Variants in AGBL1 observed in about 807,000 individuals in gnomAD.
AGBL1 encodes the protein cytosolic carboxypeptidase 4.
Under a neutral mutation model 118.9 loss-of-function variants are expected in AGBL1, and 130 were observed. The observed-to-expected ratio is 1.09, with a 90% confidence interval of 0.95 to 1.26. The LOEUF (loss-of-function observed/expected upper bound fraction) is 1.26. AGBL1 is among the 50% of genes most tolerant of loss of function. The probability of loss-of-function intolerance (pLI) is 0.00; values close to 1 mark genes in which losing one functional copy is unlikely to be tolerated. For synonymous variants in AGBL1, 555 were observed against 478.9 expected, an observed-to-expected ratio of 1.16 and a Z score of -2.08; for missense variants, 1,584 against 1,298.1, an observed-to-expected ratio of 1.22 and a Z score of -3.38.
rs1448034950 is a variant in AGBL1 at position 86,910,346 on chromosome 15, G to A, written c.*3052G>A. The A allele has an allele frequency of 6.6e-6, 1 of 152,208 alleles. No homozygotes were observed. Among genetic ancestry groups the A allele is most frequent in the Non-Finnish European group, 1.5e-5 (1 of 68,038 alleles). 9.4% of individuals were successfully genotyped at this position (152,208 alleles called of 1,614,324 possible). A position where few individuals can be genotyped will look rare whatever the true frequency, so the allele number is the denominator to read the frequency against. ...GATGTGTTTGTATGTGAGGAAAGGA[G>A]GAGAGTGACAAGAGATGAAATGGAA... On this transcript the variant is annotated 3_prime_UTR_variant, in exon 23 of 23. Transcript: ENST00000614907.
At chr15:86,789,763 C>G (rs2078465058) in intron 22 of AGBL1, among the ~76,000 whole-genome samples, 1 of 152,166 alleles carries the variant, frequency 6.6e-6, no homozygotes, top group East Asian at 1.9e-4. Flanking sequence ...GGAATGTTCA[C>G]TTGACCAAGT....
At chr15:86,747,644 A>C (rs545088996) in intron 22 of AGBL1, among the ~76,000 whole-genome samples, 5 of 152,110 alleles carry the variant, frequency 3.3e-5, no homozygotes, top group Non-Finnish European at 5.9e-5. Context: ...ACACCCCACA[A>C]CAGGCCCCAG....
intron 21 of AGBL1, among the ~76,000 whole-genome samples, chr15:86,557,508 G>C (rs1236010420): frequency 6.6e-6 from 1 of 152,190 alleles, no homozygotes; most frequent in Non-Finnish European, 1.5e-5. Flanking sequence ...ACAGAAGATG[G>C]TAACTCAGCT....
intron 22 of AGBL1, among the ~76,000 whole-genome samples, chr15:86,771,672 A>G (rs1006441131): frequency 1.3e-5 from 2 of 152,050 alleles, no homozygotes; most frequent in Non-Finnish European, 2.9e-5. Context: ...CGTAAGTGGT[A>G]CATTGCTTGT....
chr15:86,571,493 A>G (rs1212142324), intron 21 of AGBL1, among the ~76,000 whole-genome samples: 1 of 152,158 alleles, frequency 6.6e-6, no homozygotes, highest in Non-Finnish European at 1.5e-5. Context: ...AGCTCTTAGT[A>G]GAGAGGGTAC....
intron 21 of AGBL1, among the ~76,000 whole-genome samples, chr15:86,644,069 G>T (rs1193126140): frequency 6.6e-6 from 1 of 152,076 alleles, no homozygotes; most frequent in Non-Finnish European, 1.5e-5. Flanking sequence ...CGTTTAAGTG[G>T]TATAAACATT....
intron 23 of AGBL1, among the ~76,000 whole-genome samples, chr15:86,979,244 C>T (rs2081204788): frequency 6.6e-6 from 1 of 152,096 alleles, no homozygotes; most frequent in Admixed American, 6.5e-5. Context: ...AAGAAAAATC[C>T]ATTATGACAA....
chr15:86,297,946 G>A (rs566236641), intron 17 of AGBL1, among the ~76,000 whole-genome samples: 5 of 152,042 alleles, frequency 3.3e-5, no homozygotes, highest in Non-Finnish European at 5.9e-5. Flanking sequence ...CAAATTATTA[G>A]ATACTAGCTG....
At chr15:86,423,411 T>C (rs2081819674) in intron 18 of AGBL1, among the ~76,000 whole-genome samples, 1 of 151,176 alleles carries the variant, frequency 6.6e-6, no homozygotes, top group Admixed American at 6.6e-5. Flanking sequence ...AACTAGGTGC[T>C]GATGGAACGT....
At position 86,633,438 on chromosome 15, in the gene AGBL1, A is replaced by G. The variant is rs116762248; in HGVS notation, c.2995-40835A>G. Among the ~76,000 whole-genome samples, 786 of 152,298 alleles carry G rather than the reference A, an allele frequency of 5.2e-3. 4 individuals carry two copies. Among genetic ancestry groups the G allele is most frequent in the African/African-American group, 0.018 (754 of 41,570 alleles). On this transcript the variant is annotated intron_variant, in intron 21 of 22. Coordinates refer to ENST00000614907, the MANE Select transcript of AGBL1 (RefSeq NM_001386094.1). The stretch of plus-strand genomic sequence containing the variant: ...AATGATATATATACTGTAACATTTG[A>G]CATCATGGATCATCTTTTATGTACT...
At chr15:86,993,741 T>C (rs1166501963) in intron 24 of AGBL1, among the ~76,000 whole-genome samples, 1 of 152,200 alleles carries the variant, frequency 6.6e-6, no homozygotes, top group East Asian at 1.9e-4. Flanking sequence ...TCCAACAGTT[T>C]CCTTTGCCTG....
rs114745375 is a variant in AGBL1, at chr15:86,400,009, T to C, written c.2555+2463T>C. Among the ~76,000 whole-genome samples the C allele has an allele frequency of 2.9e-3, 443 of 152,278 alleles. 2 individuals carry two copies. Among genetic ancestry groups the C allele is most frequent in the African/African-American group, 0.01 (423 of 41,570 alleles). On this transcript the variant is annotated intron_variant, in intron 18 of 22. Coordinates refer to ENST00000614907, the MANE Select transcript of AGBL1 (RefSeq NM_001386094.1). ...AAAATCTACAGGTCGTAGCACATCA[T>C]TATGAAAAAACTTGAGACTGCCTGA...
At chr15:86,699,597 T>C (rs2086321720) in intron 22 of AGBL1, among the ~76,000 whole-genome samples, 1 of 152,038 alleles carries the variant, frequency 6.6e-6, no homozygotes, top group African/African-American at 2.4e-5. Flanking sequence ...TTTTGAAGAA[T>C]GTCTCTCATT....
chr15:86,348,913 G>A (rs2080582080), intron 17 of AGBL1, among the ~76,000 whole-genome samples: 1 of 152,120 alleles, frequency 6.6e-6, no homozygotes, highest in African/African-American at 2.4e-5. Context: ...TGTTGAGGAA[G>A]AGGTCTCTGT....
At chr15:86,127,981 C>A (rs571219242) in intron 1 of AGBL1, among the ~76,000 whole-genome samples, 11 of 152,188 alleles carry the variant, frequency 7.2e-5, no homozygotes, top group African/African-American at 1.4e-4. Context: ...TTTTAAAAAC[C>A]CTCTTTTTTG....
At chr15:86,617,522 G>C (rs2084746702) in intron 21 of AGBL1, among the ~76,000 whole-genome samples, 2 of 152,270 alleles carry the variant, frequency 1.3e-5, no homozygotes, top group South Asian at 4.1e-4. Context: ...TGTAATTTAT[G>C]ATGAGTTCTG....
At chr15:86,834,990 A>G (rs781037341) in intron 22 of AGBL1, among the ~76,000 whole-genome samples, 10 of 152,084 alleles carry the variant, frequency 6.6e-5, no homozygotes, top group Non-Finnish European at 7.4e-5. Flanking sequence ...ATATTTAGCA[A>G]TTGTGTTCAC....
chr15:86,952,531 G>T (rs1393199999), intron 23 of AGBL1, among the ~76,000 whole-genome samples: 1 of 151,994 alleles, frequency 6.6e-6, no homozygotes, highest in Non-Finnish European at 1.5e-5. Flanking sequence ...TTTAAATGAG[G>T]TTGTTTCTTT....
At chr15:86,801,668 A>G (rs1233802317) in intron 22 of AGBL1, among the ~76,000 whole-genome samples, 1 of 152,142 alleles carries the variant, frequency 6.6e-6, no homozygotes, top group Non-Finnish European at 1.5e-5. Context: ...AGAGATAACT[A>G]TATCTAGATT....
Sources: allele counts gnomAD v4.1 joint callset (sites outside exome capture counted in the v4.1 genomes callset), GRCh38; gene constraint gnomAD v4.1.1; transcripts MANE v1.5; gene names NCBI Gene and HGNC (gene_info 2026-07-23, HGNC 2026-07-21).